ODAD2: variants seen among roughly 807,000 people sequenced by gnomAD.
The protein encoded by ODAD2 is outer dynein arm docking complex subunit 2, also known as outer dynein arm-docking complex subunit 2.
ODAD2 carries 89 observed loss-of-function variants against 106.8 expected under a neutral mutation model. That is an observed-to-expected ratio of 0.83 (90% confidence interval 0.70 to 0.99). The LOEUF is 0.99. ODAD2 is among the 50% of genes least tolerant of loss of function. The probability of loss-of-function intolerance (pLI) is 0.00; values close to 1 mark genes in which losing one functional copy is unlikely to be tolerated. For missense variants in ODAD2, 1,168 were observed against 1,238.5 expected (o/e 0.94, Z 0.85); for synonymous variants, 404 against 436.2 (o/e 0.93, Z 0.92).
intron 16 of ODAD2, among the ~76,000 whole-genome samples, chr10:27,913,507 C>T (rs1844152344): frequency 6.6e-6 from 1 of 152,254 alleles, no homozygotes; most frequent in Middle Eastern, 3.4e-3. Flanking sequence ...CTGAAGAGAG[C>T]TTCTGCACAG....
chr10:27,835,559 C>T (rs1837810750), intron 19 of ODAD2, among the ~76,000 whole-genome samples: 1 of 152,106 alleles, frequency 6.6e-6, no homozygotes, highest in East Asian at 1.9e-4. Context: ...CTTTTGACTG[C>T]CCCCAATCTT....
At chr10:27,931,097 T>G (rs1471797430) in intron 16 of ODAD2, among the ~76,000 whole-genome samples, 3 of 152,038 alleles carry the variant, frequency 2.0e-5, no homozygotes, top group African/African-American at 7.3e-5. Context: ...ACCCATTCAA[T>G]TCCCCTAATC....
chr10:27,830,597 C>G (rs1837400763), intron 19 of ODAD2, among the ~76,000 whole-genome samples: 1 of 152,296 alleles, frequency 6.6e-6, no homozygotes, highest in East Asian at 1.9e-4. Context: ...CCTAGTGAAA[C>G]AGTTCTATTT....
chr10:27,890,845 G>C (rs1373209361), intron 17 of ODAD2, among the ~76,000 whole-genome samples: 1 of 151,932 alleles, frequency 6.6e-6, no homozygotes, highest in African/African-American at 2.4e-5. Context: ...GGCCAGATGG[G>C]TGCATACTTA....
intron 10 of ODAD2, among the ~76,000 whole-genome samples, chr10:27,955,031 T>C (rs553398289): frequency 1.4e-4 from 21 of 152,340 alleles, no homozygotes; most frequent in African/African-American, 4.6e-4. Flanking sequence ...CCTATTCGTT[T>C]GTCACTGACT....
In ODAD2 at chr10:27,987,455, C is replaced by T. The variant is rs778338789; in HGVS notation, c.313G>A (p.Gly105Arg). Residue 105 changes from glycine (G) to arginine (R), a missense_variant, in exon 3 of 20, where the codon GGG (glycine) becomes AGG (arginine). This residue lies in a region of ODAD2 where 430 missense variants were observed against 452.2 expected (regional missense o/e 0.95). Transcript: ENST00000305242. ...SVPQIKIRSF[G>R]QLSRLLLIAK... ...ATAAGTAACAAGCGTGACAGCTGCC[C>T]AAAGCTCCTAATTTTAATTTGTGGT... The T allele has an allele frequency of 6.2e-7, 1 of 1,613,804 alleles. No individual in the cohort carries two copies. The highest frequency in any genetic ancestry group is 1.7e-5 in the Admixed American group (1 of 60,002).
At chr10:27,820,777 CTTTT>C (rs72095120) in intron 19 of ODAD2, among the ~76,000 whole-genome samples, 17 of 105,544 alleles carry the variant, frequency 1.6e-4, no homozygotes, top group African/African-American at 5.8e-4. Context: ...AGCCCAGCAA[CTTTT>C]TTTTTTTTTT....
At chr10:27,875,061 T>C (rs1459402571) in intron 17 of ODAD2, among the ~76,000 whole-genome samples, 3 of 152,218 alleles carry the variant, frequency 2.0e-5, no homozygotes, top group Non-Finnish European at 4.4e-5. Context: ...TTTCTTTTTA[T>C]TCTTTTTTCT....
intron 9 of ODAD2, among the ~76,000 whole-genome samples, chr10:27,961,977 G>C (rs1848175189): frequency 1.3e-5 from 2 of 152,152 alleles, no homozygotes; most frequent in South Asian, 4.1e-4. Flanking sequence ...TGATGCAGGA[G>C]GATCACTTCA....
intron 19 of ODAD2, among the ~76,000 whole-genome samples, chr10:27,814,244 G>A (rs1336200023): frequency 1.3e-5 from 2 of 152,182 alleles, no homozygotes; most frequent in African/African-American, 4.8e-5. Context: ...CACCCAGGAA[G>A]AGGAGGGGTC....
At chr10:27,943,931 T>C (rs1164070088) in intron 12 of ODAD2, among the ~76,000 whole-genome samples, 1 of 151,590 alleles carries the variant, frequency 6.6e-6, no homozygotes, top group East Asian at 1.9e-4. Context: ...TTACCTCCCA[T>C]GCATGTATAC....
At chr10:27,896,363 C>T (rs1170915884) in intron 17 of ODAD2, among the ~76,000 whole-genome samples, 1 of 152,124 alleles carries the variant, frequency 6.6e-6, no homozygotes, top group Non-Finnish European at 1.5e-5. Context: ...TAATTAGGAT[C>T]CCTTTGATAA....
chr10:27,990,296 C>T (rs773348552), intron 2 of ODAD2, among the ~76,000 whole-genome samples: 9 of 152,056 alleles, frequency 5.9e-5, no homozygotes, highest in African/African-American at 1.2e-4. Flanking sequence ...TACAGCCGCA[C>T]GCCACCACAC....
At chr10:27,866,570 G>T (rs1840453264) in intron 17 of ODAD2, among the ~76,000 whole-genome samples, 1 of 152,090 alleles carries the variant, frequency 6.6e-6, no homozygotes, top group Non-Finnish European at 1.5e-5. Flanking sequence ...AAGTTTATTT[G>T]GCTTATGGTT....
At chr10:27,912,660 T>C (rs1844091193) in intron 16 of ODAD2, among the ~76,000 whole-genome samples, 1 of 152,174 alleles carries the variant, frequency 6.6e-6, no homozygotes, top group African/African-American at 2.4e-5. Flanking sequence ...CTTCACAGTA[T>C]TTGGTGAAAA....
chr10:27,977,177 A>G (rs1259283669), intron 7 of ODAD2, among the ~76,000 whole-genome samples: 3 of 152,168 alleles, frequency 2.0e-5, no homozygotes, highest in Non-Finnish European at 4.4e-5. Flanking sequence ...CTGGGTTTGG[A>G]AAAGCGTTAT....
At chr10:27,878,060 C>T (rs937402790) in intron 17 of ODAD2, among the ~76,000 whole-genome samples, 1 of 152,058 alleles carries the variant, frequency 6.6e-6, no homozygotes, top group Non-Finnish European at 1.5e-5. Context: ...TTAAATCTAG[C>T]TCATACAGAA....
At chr10:27,981,661 C>A in intron 6 of ODAD2, 79 bp from the exon 7 acceptor site, 1 of 1,009,226 alleles carries the variant, frequency 9.9e-7, no homozygotes, top group South Asian at 1.7e-5. Flanking sequence ...CACAAGCTAG[C>A]CACACGTATT....
intron 19 of ODAD2, among the ~76,000 whole-genome samples, chr10:27,837,913 T>C (rs1395109045): frequency 2.0e-5 from 3 of 152,208 alleles, no homozygotes; most frequent in Non-Finnish European, 2.9e-5. Flanking sequence ...GTAACTTTTT[T>C]TTAGCTCCTG....
Sources: gnomAD v4.1 joint callset for allele counts (sites outside exome capture counted in the v4.1 genomes callset) on GRCh38, gnomAD v4.1.1 for gene constraint, gnomAD v4.1.1 regional missense constraint, MANE v1.5 for transcripts, NCBI Gene and HGNC (gene_info 2026-07-23, HGNC 2026-07-21) for gene names.